GYS2: variants seen among roughly 807,000 people sequenced by gnomAD.
The protein encoded by GYS2 is glycogen synthase 2, also known as glycogen [starch] synthase, liver.
GYS2 carries 80 observed loss-of-function variants against 85.6 expected under a neutral mutation model. That is an observed-to-expected ratio of 0.93 (90% CI 0.78 to 1.13). The LOEUF is 1.13. GYS2 is among the 50% of genes most tolerant of loss of function. The pLI is 0.00. For missense variants in GYS2, 881 were observed against 854.9 expected (o/e 1.03, Z -0.38); for synonymous variants, 328 against 300.7 (o/e 1.09, Z -0.94).
At chr12:21,574,725 T>C (rs933556564) in intron 3 of GYS2, among the ~76,000 whole-genome samples, 1 of 152,100 alleles carries the variant, frequency 6.6e-6, no homozygotes, top group Non-Finnish European at 1.5e-5. Context: ...ACTTATAAGC[T>C]TATTTTTAAA....
chr12:21,583,185 G>C (rs1012942986), intron 1 of GYS2, among the ~76,000 whole-genome samples: 1 of 152,156 alleles, frequency 6.6e-6, no homozygotes, highest in African/African-American at 2.4e-5. Flanking sequence ...TGGATTTATT[G>C]ATGAGACATT....
intron 4 of GYS2, among the ~76,000 whole-genome samples, chr12:21,569,626 A>G (rs1944362950): frequency 6.6e-6 from 1 of 152,230 alleles, no homozygotes; most frequent in South Asian, 2.1e-4. Flanking sequence ...CAATCACTTA[A>G]ATAACTGGCA....
At chr12:21,573,827 A>G (rs1002474124) in intron 4 of GYS2, among the ~76,000 whole-genome samples, 3 of 152,206 alleles carry the variant, frequency 2.0e-5, no homozygotes, top group Admixed American at 1.3e-4. Flanking sequence ...CAGCGCTTCC[A>G]TAGCCTTAGG....
At chr12:21,568,672 C>T (rs1477592514) in intron 5 of GYS2, among the ~76,000 whole-genome samples, 193 bp downstream of exon 5, 1 of 152,166 alleles carries the variant, frequency 6.6e-6, no homozygotes, top group Non-Finnish European at 1.5e-5. Flanking sequence ...AACACTTAGC[C>T]ATGTTCCAGA....
chr12:21,568,203 A>G (rs1944345339), intron 5 of GYS2, among the ~76,000 whole-genome samples: 1 of 152,182 alleles, frequency 6.6e-6, no homozygotes, highest in Non-Finnish European at 1.5e-5. Flanking sequence ...AAAGTAGAAA[A>G]ATGAACACTA....
intron 1 of GYS2, among the ~76,000 whole-genome samples, chr12:21,584,178 T>G (rs1284928822): frequency 2.0e-5 from 3 of 152,200 alleles, no homozygotes; most frequent in Admixed American, 2.0e-4. Context: ...GGTTGTGCAC[T>G]TTGCACAGAA....
At chr12:21,550,154 C>T (rs138641597) in intron 11 of GYS2, among the ~76,000 whole-genome samples, 39 of 152,276 alleles carry the variant, frequency 2.6e-4, no homozygotes, top group Admixed American at 1.4e-3. Context: ...CCAGGCTCAA[C>T]TTGTACTTTA....
intron 11 of GYS2, among the ~76,000 whole-genome samples, chr12:21,549,204 A>G (rs569690108): frequency 6.4e-4 from 97 of 152,294 alleles, no homozygotes; most frequent in African/African-American, 2.2e-3. Flanking sequence ...TCTCCCACTT[A>G]CTACAGTTAT....
At position 21,592,904 on chromosome 12, in the gene GYS2, T is replaced by C. The variant is rs562756531; in HGVS notation, c.121+11568A>G. Reference sequence around the variant, plus strand: ...GAACACAAAAGAAGTCTCAACTAATTTGAAATATTTGAAATCATATTAAGC... The same window carrying C: ...GAACACAAAAGAAGTCTCAACTAATCTGAAATATTTGAAATCATATTAAGC... On this transcript the variant is annotated intron_variant, in intron 1 of 15. Transcript: ENST00000261195. Among the ~76,000 whole-genome samples the C allele has an allele frequency of 1.6e-4, 25 of 152,160 alleles. No homozygotes were observed. The East Asian group carries it at 2.7e-3, about 16-fold the overall frequency.
intron 11 of GYS2, among the ~76,000 whole-genome samples, chr12:21,550,847 A>C (rs953945389): frequency 2.6e-5 from 4 of 152,090 alleles, no homozygotes; most frequent in African/African-American, 7.2e-5. Context: ...AGGTTGGAGC[A>C]GGAGAATCGC....
intron 7 of GYS2, among the ~76,000 whole-genome samples, chr12:21,561,011 G>A (rs1014520065): frequency 3.3e-5 from 5 of 151,804 alleles, no homozygotes; most frequent in African/African-American, 4.8e-5. Flanking sequence ...TTACTTTTCC[G>A]CTAAATGTCT....
chr12:21,537,470 T>C (rs1027530381), intron 15 of GYS2: 5 of 396,086 alleles, frequency 1.3e-5, no homozygotes, highest in Non-Finnish European at 2.3e-5. Flanking sequence ...CAGAAGAAAA[T>C]GGAGGGTTAG....
intron 11 of GYS2, among the ~76,000 whole-genome samples, chr12:21,555,914 G>C (rs528413151): frequency 6.6e-6 from 1 of 152,226 alleles, no homozygotes; most frequent in South Asian, 2.1e-4. Context: ...TATGGCCTAG[G>C]GCCATCTATG....
chr12:21,575,828 G>A, intron 3 of GYS2, 38 bp downstream of exon 3: 1 of 1,479,014 alleles, frequency 6.8e-7, no homozygotes, highest in South Asian at 1.1e-5. Flanking sequence ...AAGCAGTTGT[G>A]CTGCTCCTCC....
intron 1 of GYS2, among the ~76,000 whole-genome samples, chr12:21,593,097 A>G (rs191558121): frequency 6.6e-6 from 1 of 152,176 alleles, no homozygotes; most frequent in East Asian, 1.9e-4. Flanking sequence ...AAATTGAAAT[A>G]CAACATAGGA....
At chr12:21,577,875 A>C (rs1944464261) in intron 2 of GYS2, among the ~76,000 whole-genome samples, 1 of 152,180 alleles carries the variant, frequency 6.6e-6, no homozygotes, top group Non-Finnish European at 1.5e-5. Context: ...TTGCTATCCA[A>C]AAATATTACC....
At chr12:21,576,127 T>C in intron 2 of GYS2, 70 bp from the exon 3 acceptor site, 4 of 1,249,908 alleles carry the variant, frequency 3.2e-6, no homozygotes, top group Non-Finnish European at 4.7e-6. Context: ...ATTTGCACTC[T>C]GAGGATATAA....
chr12:21,567,646 A>G (rs1944337194), intron 5 of GYS2, among the ~76,000 whole-genome samples: 1 of 152,014 alleles, frequency 6.6e-6, no homozygotes, highest in African/African-American at 2.4e-5. Context: ...AGGATATATT[A>G]ATTAGGATGA....
chr12:21,544,993 A>G (rs911365716), intron 12 of GYS2, among the ~76,000 whole-genome samples: 1 of 152,158 alleles, frequency 6.6e-6, no homozygotes, highest in African/African-American at 2.4e-5. Flanking sequence ...TAATAGAAAA[A>G]ATTCTTCCTC....
Sources: allele counts gnomAD v4.1 joint callset (sites outside exome capture counted in the v4.1 genomes callset), GRCh38; gene constraint gnomAD v4.1.1; transcripts MANE v1.5; gene names NCBI Gene and HGNC (gene_info 2026-07-23, HGNC 2026-07-21).